TRIQK: variants seen among roughly 807,000 people sequenced by gnomAD.
TRIQK encodes triple QxxK/R motif containing.
In TRIQK, 10 loss-of-function variants were observed where a neutral mutation model predicts 10.8. The observed-to-expected ratio is 0.92, with a 90% confidence interval of 0.57 to 1.57. TRIQK has a LOEUF of 1.57. Ranked by LOEUF, TRIQK falls within the 40% of genes most tolerant of loss-of-function variation. The pLI, the probability that TRIQK is intolerant of heterozygous loss-of-function variation, is 0.00. For missense variants in TRIQK, 107 were observed against 97.7 expected, an observed-to-expected ratio of 1.09 and a Z score of -0.40; for synonymous variants, 33 against 33.7, an observed-to-expected ratio of 0.98 and a Z score of 0.07.
At chr8:92,999,754 T>C (rs573366957) in intron 1 of TRIQK, among the ~76,000 whole-genome samples, 35 of 152,330 alleles carry the variant, frequency 2.3e-4, no homozygotes, top group Non-Finnish European at 4.4e-4. Context: ...TAAAGACTAA[T>C]GGTTTTTCAG....
At chr8:92,908,227 G>A (rs1809382560) in intron 3 of TRIQK, among the ~76,000 whole-genome samples, 1 of 151,744 alleles carries the variant, frequency 6.6e-6, no homozygotes, top group Non-Finnish European at 1.5e-5. Flanking sequence ...TTTTATAAAT[G>A]TTCATTTTCT....
chr8:92,921,633 A>C (rs1810193451), intron 2 of TRIQK: 1 of 151,884 alleles, frequency 6.6e-6, no homozygotes, highest in Non-Finnish European at 1.5e-5. Flanking sequence ...ACAGCTATCC[A>C]ACCAACTTGT....
rs761396399 is a variant in TRIQK at position 92,886,633 on chromosome 8, C to T, written c.250G>A (p.Asp84Asn). The stretch of plus-strand genomic sequence containing the variant: ...TGATTGTTGCTTAGCTAATCTTCAT[C>T]TTGGTCCAGATCAGGGTCAACATCC... ...TTDVDPDLDQ[D>N]ED The change falls in exon 5 of 5, where the codon GAT (aspartate) becomes AAT (asparagine). Residue 84 changes from aspartate (D) to asparagine (N), a missense_variant. Transcript: ENST00000521988. 21 of 1,519,212 alleles carry T rather than the reference C, an allele frequency of 1.4e-5. 2 individuals are homozygous for T. The South Asian group carries it at 2.6e-4, about 19-fold the overall frequency. 94.1% of individuals were successfully genotyped at this position (1,519,212 alleles called of 1,614,324 possible). A position where few individuals can be genotyped will look rare whatever the true frequency, so the allele number is the denominator to read the frequency against.
In TRIQK at chr8:92,927,473, A is replaced by C. The variant is rs544191635; in HGVS notation, c.-21-10463T>G. Among the ~76,000 whole-genome samples, 148 of 152,276 alleles carry C rather than the reference A, an allele frequency of 9.7e-4. 2 individuals are homozygous for C. Among genetic ancestry groups the C allele is most frequent in the African/African-American group, 3.5e-3 (145 of 41,562 alleles). On this transcript the variant is annotated intron_variant, in intron 2 of 4. Coordinates refer to ENST00000521988, the MANE Select transcript of TRIQK (RefSeq NM_001171797.2). Reference sequence around the variant, plus strand: ...TTTGGGAGTAAAAAAATAACCAAAAACCAAATACTAGGAGTGAAAGTTATT... The same window carrying C: ...TTTGGGAGTAAAAAAATAACCAAAACCCAAATACTAGGAGTGAAAGTTATT...
chr8:92,920,480 G>A (rs887781716), intron 2 of TRIQK, among the ~76,000 whole-genome samples: 4 of 149,942 alleles, frequency 2.7e-5, no homozygotes, highest in African/African-American at 7.3e-5. Flanking sequence ...GGAGAAAAAT[G>A]AAAACAGGCT....
chr8:92,949,870 G>C (rs978773285), intron 2 of TRIQK, among the ~76,000 whole-genome samples: 1 of 125,044 alleles, frequency 8.0e-6, no homozygotes, highest in African/African-American at 3.0e-5. Context: ...GAAAGGAAGG[G>C]AGGGAGGGAG....
At chr8:92,974,683 A>C (rs1228445628) in intron 1 of TRIQK, 1 of 152,286 alleles carries the variant, frequency 6.6e-6, no homozygotes, top group Admixed American at 6.5e-5. Flanking sequence ...GCAGACTGTA[A>C]TCCAGGCTTT....
At chr8:93,006,371 A>C (rs1280217648) in intron 1 of TRIQK, among the ~76,000 whole-genome samples, 3 of 152,210 alleles carry the variant, frequency 2.0e-5, no homozygotes, top group Non-Finnish European at 4.4e-5. Context: ...CCCAAAGCCA[A>C]GGGAGGCAGT....
At chr8:92,968,546 T>C (rs1812840219), upstream of TRIQK, among the ~76,000 whole-genome samples, 2 of 152,260 alleles carry the variant, frequency 1.3e-5, no homozygotes, top group African/African-American at 2.4e-5. Flanking sequence ...ATTTCTGTAA[T>C]GACCAGTGAT....
chr8:92,958,321 A>T (rs1183981606), intron 1 of TRIQK, among the ~76,000 whole-genome samples: 1 of 151,976 alleles, frequency 6.6e-6, no homozygotes, highest in Non-Finnish European at 1.5e-5. Flanking sequence ...ACCCCATTTC[A>T]ATCAATTACG....
intron 4 of TRIQK, among the ~76,000 whole-genome samples, chr8:92,890,219 G>A (rs1586363804): frequency 6.6e-6 from 1 of 151,848 alleles, no homozygotes; most frequent in East Asian, 1.9e-4. Context: ...GATTTGAAAT[G>A]TAAAACACCT....
intron 2 of TRIQK, among the ~76,000 whole-genome samples, chr8:92,921,084 C>T (rs1161420333): frequency 6.6e-6 from 1 of 151,502 alleles, no homozygotes; most frequent in East Asian, 1.9e-4. Flanking sequence ...TTCCATTCTT[C>T]CCTTTATAAA....
intron 3 of TRIQK, among the ~76,000 whole-genome samples, chr8:92,893,110 A>C (rs545445225): frequency 6.6e-6 from 1 of 152,064 alleles, no homozygotes; most frequent in Non-Finnish European, 1.5e-5. Flanking sequence ...TACAAATTCT[A>C]ACATTAATTT....
rs200296039 is a variant in TRIQK at position 92,998,792 on chromosome 8, T to C, written c.-181+18817A>G. Among the ~76,000 whole-genome samples the C allele has an allele frequency of 1.5e-4, 23 of 152,204 alleles. No homozygotes were observed. The East Asian group carries it at 4.4e-3, about 29-fold the overall frequency. On this transcript the variant is annotated intron_variant, in intron 1 of 4. Coordinates refer to the TRIQK transcript ENST00000520686. ...AGGGACTCATACTTTAGTGGTGAAGTCAGACAAATAAGACAACATTTCCAG... is the reference window on the plus strand; with the variant it reads ...AGGGACTCATACTTTAGTGGTGAAGCCAGACAAATAAGACAACATTTCCAG...
At chr8:92,894,896 T>C (rs1222769583) in intron 3 of TRIQK, among the ~76,000 whole-genome samples, 1 of 152,158 alleles carries the variant, frequency 6.6e-6, no homozygotes, top group Non-Finnish European at 1.5e-5. Flanking sequence ...TTCAATAGTA[T>C]ATGGTCACTG....
At chr8:92,908,840 G>T (rs1188414652) in intron 3 of TRIQK, among the ~76,000 whole-genome samples, 1 of 151,838 alleles carries the variant, frequency 6.6e-6, no homozygotes, top group Admixed American at 6.6e-5. Context: ...CAAAAATACT[G>T]GCAAATAATA....
intron 3 of TRIQK, among the ~76,000 whole-genome samples, chr8:92,912,640 T>C (rs185381275): frequency 3.3e-5 from 5 of 151,582 alleles, no homozygotes; most frequent in African/African-American, 1.2e-4. Flanking sequence ...ACACACGAAA[T>C]AGCAGACATT....
In TRIQK at chr8:92,906,624, C is replaced by A. The variant is rs531686869; in HGVS notation, c.61+10305G>T. Among the ~76,000 whole-genome samples the A allele has an allele frequency of 2.0e-5, 3 of 150,864 alleles. No individual in the cohort carries two copies. In the South Asian group the frequency reaches 6.3e-4, roughly 32 times the overall value. On this transcript the variant is annotated intron_variant, in intron 3 of 4. Coordinates refer to ENST00000521988, the MANE Select transcript of TRIQK (RefSeq NM_001171797.2). ...ACAAACAATTTCCCTATAAAGTCAC[C>A]ATTATCAAAATTTTAAAAACATTTC...
intron 3 of TRIQK, among the ~76,000 whole-genome samples, chr8:92,915,442 T>G (rs1461515380): frequency 6.6e-6 from 1 of 151,974 alleles, no homozygotes; most frequent in Non-Finnish European, 1.5e-5. Flanking sequence ...TGTGTGTGTA[T>G]AGCAAAAAGT....
Sources: gnomAD v4.1 joint callset for allele counts (sites outside exome capture counted in the v4.1 genomes callset) on GRCh38, gnomAD v4.1.1 for gene constraint, MANE v1.5 for transcripts, NCBI Gene and HGNC (gene_info 2026-07-23, HGNC 2026-07-21) for gene names.